EIF4A3: variants seen among roughly 807,000 people sequenced by gnomAD.
EIF4A3 encodes eukaryotic translation initiation factor 4A3, also known as eukaryotic initiation factor 4A-III.
Under a neutral mutation model 55.6 loss-of-function variants are expected in EIF4A3, and 1 was observed. That is an observed-to-expected ratio of 0.02 (90% CI 0.01 to 0.09). The LOEUF (loss-of-function observed/expected upper bound fraction) is 0.09. Ranked by LOEUF, EIF4A3 falls within the 10% of genes least tolerant of loss-of-function variation. The probability of loss-of-function intolerance (pLI) is 1.00; values close to 1 mark genes in which losing one functional copy is unlikely to be tolerated. For missense variants in EIF4A3, 221 were observed against 540.7 expected (o/e 0.41, Z 5.86); for synonymous variants, 194 against 196.3 (o/e 0.99, Z 0.10).
chr17:80,141,724 G>A lies in EIF4A3; in HGVS notation c.309+58C>T, dbSNP rs2039620728. 5.2e-6 allele frequency: 8 copies of A among 1,540,648 alleles called. No individual in the cohort carries two copies. In the Admixed American group the frequency reaches 6.8e-5, roughly 13 times the overall value. ...CTTTTTGAACACTGTAGTTACAGAA[G>A]AAAAAGCAAGTATTTCCTAGAATTA... is the stretch of plus-strand genomic sequence containing the variant. On this transcript the variant is annotated intron_variant, in intron 3 of 11. Coordinates refer to ENST00000649764, the MANE Select transcript of EIF4A3 (RefSeq NM_014740.4).
chr17:80,138,942 A>G, intron 7 of EIF4A3, 79 bp downstream of exon 7: 1 of 1,569,558 alleles, frequency 6.4e-7, no homozygotes. Context: ...TGGCTATAAA[A>G]AGTTTTTGAA....
At chr17:80,140,956 C>T (rs2039613029) in intron 4 of EIF4A3, among the ~76,000 whole-genome samples, 1 of 152,046 alleles carries the variant, frequency 6.6e-6, no homozygotes, top group African/African-American at 2.4e-5. Flanking sequence ...CCACCACGCC[C>T]AGCTAATTTT....
At chr17:80,139,885 T>C in intron 5 of EIF4A3, 123 bp downstream of exon 5, 1 of 1,514,702 alleles carries the variant, frequency 6.6e-7, no homozygotes, top group Non-Finnish European at 8.9e-7. Flanking sequence ...CTCTACCTCC[T>C]GCAAGTGACC....
In EIF4A3 at chr17:80,144,180, G is replaced by C. The variant is rs147675450; in HGVS notation, c.234C>G (p.Val78=). The C allele has an allele frequency of 1.7e-5, 28 of 1,613,918 alleles. No individual in the cohort carries two copies. The African/African-American group carries it at 3.7e-4, about 22-fold the overall frequency. ...ACCCCAGGACAACTTACTGTGCGAT[G>C]ACATCTCTCCCTTTGATGATCTGCT... The part of the protein sequence containing the change: ...AIKQIIKGRD[V]IAQSQSGTGK... The change falls in exon 2 of 12, where the codon GTC becomes GTG. Residue 78 remains valine (V), a synonymous_variant. Coordinates refer to ENST00000649764, the MANE Select transcript of EIF4A3 (RefSeq NM_014740.4).
rs529393794 is a variant in EIF4A3 at position 80,139,368 on chromosome 17, G to A, written c.587-206C>T. 3.0e-5 allele frequency: 21 copies of A among 702,158 alleles called. 1 individual carries two copies. Among genetic ancestry groups the A allele is most frequent in the Admixed American group, 2.9e-4 (9 of 31,558 alleles). The allele number at this position is 702,158 out of a possible 1,614,324, so 43.5% of individuals were successfully genotyped here. A position where few individuals can be genotyped will look rare whatever the true frequency, so the allele number is the denominator to read the frequency against. ...CCACCGGAGTGTTATCTGGTTGAGGGAATCTGGTTTCCCTTTGGTGCTTCT... is the reference window on the plus strand; with the variant it reads ...CCACCGGAGTGTTATCTGGTTGAGGAAATCTGGTTTCCCTTTGGTGCTTCT... On this transcript the variant is annotated intron_variant, in intron 6 of 11. Transcript: ENST00000649764.
intron 8 of EIF4A3, 48 bp from the exon 9 acceptor site, chr17:80,137,549 A>G: frequency 6.8e-7 from 1 of 1,472,418 alleles, no homozygotes; most frequent in South Asian, 1.2e-5. Context: ...ATACCAAAGC[A>G]GAGATGTGCA....
At position 80,135,255 on chromosome 17, in the gene EIF4A3, T is replaced by A; in HGVS notation, c.*235A>T. On this transcript the variant is annotated 3_prime_UTR_variant, in exon 12 of 12. Coordinates refer to ENST00000649764, the MANE Select transcript of EIF4A3 (RefSeq NM_014740.4). ...GTGGTGGCACCTTAGAAGTATAGAG[T>A]TTATGGGAAAAGTTTTAAATTTTTA... 1 of 438,252 alleles carries A rather than the reference T, an allele frequency of 2.3e-6. No individual in the cohort carries two copies. The allele number at this position is 438,252 out of a possible 1,614,324, so 27.1% of individuals were successfully genotyped here. A position where few individuals can be genotyped will look rare whatever the true frequency, so the allele number is the denominator to read the frequency against.
intron 1 of EIF4A3, among the ~76,000 whole-genome samples, chr17:80,145,425 G>A (rs143316714): frequency 8.5e-5 from 13 of 152,246 alleles, no homozygotes; most frequent in East Asian, 1.9e-4. Context: ...TTAGTAGGAC[G>A]TGGTGGCCCA....
intron 4 of EIF4A3, 93 bp downstream of exon 4, chr17:80,141,226 C>A: frequency 7.6e-7 from 1 of 1,320,080 alleles, no homozygotes; most frequent in Admixed American, 2.2e-5. Context: ...TATCAGAAAA[C>A]AGGATTGGAT....
intron 9 of EIF4A3, chr17:80,137,100 G>A (rs2028551): frequency 0.14 from 39,865 of 285,862 alleles, 3,642 homozygotes; most frequent in East Asian, 0.39. Context: ...TAATCGAAAC[G>A]ATGAACAGAA....
chr17:80,137,590 C>G (rs1039712599), intron 8 of EIF4A3, 89 bp from the exon 9 acceptor site: 14 of 976,024 alleles, frequency 1.4e-5, no homozygotes, highest in Non-Finnish European at 2.2e-5. Context: ...TTTGCAGAAC[C>G]AGTATCAATA....
rs546981373 is a variant in EIF4A3 at position 80,138,737 on chromosome 17, T to C, written c.728+284A>G. ...ACAGCCTCCTGAGTAGCTGGGACTA[T>C]AGGCATGTGCCGCCCTACCTGGCTA... On this transcript the variant is annotated intron_variant, in intron 7 of 11. Transcript: ENST00000649764. 415 of 398,272 alleles carry C rather than the reference T, an allele frequency of 1.0e-3. 1 individual carries two copies. The highest frequency in any genetic ancestry group is 1.3e-3 in the Non-Finnish European group (275 of 216,616). 24.7% of individuals were successfully genotyped at this position (398,272 alleles called of 1,614,324 possible).
rs2039568002 is a variant in EIF4A3, at chr17:80,136,105, C to T, written c.1118G>A (p.Arg373Gln). 1 of 1,614,000 alleles carries T rather than the reference C, an allele frequency of 6.2e-7. No individual in the cohort carries two copies. ...TACAAAGTTAATGGCCACACCCTTC[C>T]GGCCGTATCGACCTGATCTCCCAAT... is the stretch of plus-strand genomic sequence containing the variant. The part of the protein sequence containing the change: ...HRIGRSGRYG[R>Q]KGVAINFVKN... The change falls in exon 11 of 12, where the codon CGG (arginine) becomes CAG (glutamine). Residue 373 changes from arginine to glutamine, a missense_variant. Transcript: ENST00000649764.
At chr17:80,144,364 T>C (rs1021879020) in intron 1 of EIF4A3, 120 bp from the exon 2 acceptor site, 5 of 845,594 alleles carry the variant, frequency 5.9e-6, no homozygotes, top group African/African-American at 5.0e-5. Flanking sequence ...CCTAACCCAG[T>C]GTTCAACATA....
rs1242082730 is a variant in EIF4A3 at position 80,146,830 on chromosome 17, G to A, written c.132C>T (p.Gly44=). The A allele has an allele frequency of 6.8e-6, 11 of 1,611,106 alleles. No individual in the cohort carries two copies. Among genetic ancestry groups the A allele is most frequent in the East Asian group, 6.7e-5 (3 of 44,710 alleles). Residue 44 remains glycine, a synonymous_variant, in exon 1 of 12, where the codon GGC becomes GGT. Coordinates refer to ENST00000649764, the MANE Select transcript of EIF4A3 (RefSeq NM_014740.4). Reference sequence around the variant, plus strand: ...TGCCCCGCAGCAGGTCCTCCCGCAGGCCCATGGTGTCGAACGTGGGGGTCA... The same window carrying A: ...TGCCCCGCAGCAGGTCCTCCCGCAGACCCATGGTGTCGAACGTGGGGGTCA... The part of the protein sequence containing the change: ...VDVTPTFDTM[G]LREDLLRGIY...
At chr17:80,140,353 G>A in intron 4 of EIF4A3, 2 of 496,880 alleles carry the variant, frequency 4.0e-6, no homozygotes, top group Non-Finnish European at 6.3e-6. Context: ...TCACTCTGTG[G>A]CCCATGCTGG....
At position 80,135,634 on chromosome 17, in the gene EIF4A3, G is replaced by A. The variant is rs192893280; in HGVS notation, c.1220-128C>T. 440 of 811,260 alleles carry A rather than the reference G, an allele frequency of 5.4e-4. 6 individuals carry two copies. In the East Asian group the frequency reaches 0.011, roughly 20 times the overall value. The allele number at this position is 811,260 out of a possible 1,614,324, so 50.3% of individuals were successfully genotyped here. ...AAACAGGCCAGACATAGTGGCTCACGCCTGTAATCCCAGCACTTTGGGAGG... is the reference window on the plus strand; with the variant it reads ...AAACAGGCCAGACATAGTGGCTCACACCTGTAATCCCAGCACTTTGGGAGG... On this transcript the variant is annotated intron_variant, in intron 11 of 11. Coordinates refer to ENST00000649764, the MANE Select transcript of EIF4A3 (RefSeq NM_014740.4).
rs901840211 is a variant in EIF4A3, at chr17:80,141,307, T to C, written c.372+12A>G. ...CTTGTTAATCGGACACCGCTATCTTTAGCCATCTCACCTTCTGGATCTGCA... is the reference window on the plus strand; with the variant it reads ...CTTGTTAATCGGACACCGCTATCTTCAGCCATCTCACCTTCTGGATCTGCA... On this transcript the variant is annotated intron_variant, in intron 4 of 11. Coordinates refer to ENST00000649764, the MANE Select transcript of EIF4A3 (RefSeq NM_014740.4). 3 of 1,610,910 alleles carry C rather than the reference T, an allele frequency of 1.9e-6. No individual in the cohort carries two copies. The highest frequency in any genetic ancestry group is 3.3e-5 in the Admixed American group (2 of 59,966).
chr17:80,136,443 TAC>T (rs2039570901), intron 9 of EIF4A3, 108 bp from the exon 10 acceptor site: 8 of 807,128 alleles, frequency 9.9e-6, no homozygotes, highest in Admixed American at 2.6e-5. Context: ...GTCCAAAATA[TAC>T]GAGATTCTCC....
Sources: gnomAD v4.1 joint callset for allele counts (sites outside exome capture counted in the v4.1 genomes callset) on GRCh38, gnomAD v4.1.1 for gene constraint, MANE v1.5 for transcripts, NCBI Gene and HGNC (gene_info 2026-07-23, HGNC 2026-07-21) for gene names.